Variants in ACTRT3 observed in about 807,000 individuals in gnomAD.
ACTRT3 encodes actin-related protein T3.
Under a neutral mutation model 17.6 loss-of-function variants are expected in ACTRT3, and 15 were observed. That is an observed-to-expected ratio of 0.85 (90% confidence interval 0.57 to 1.31). The LOEUF (loss-of-function observed/expected upper bound fraction) is 1.31, where lower values mean the gene tolerates loss of function less well. Among genes scored for constraint, ACTRT3 ranks in the 50% most tolerant of loss-of-function variants. The probability of loss-of-function intolerance (pLI) is 0.00; values close to 1 mark genes in which losing one functional copy is unlikely to be tolerated. For missense variants in ACTRT3, 457 were observed against 466.7 expected (o/e 0.98, Z 0.19); for synonymous variants, 169 against 176.4 (o/e 0.96, Z 0.33).
At position 169,767,087 on chromosome 3, in the gene ACTRT3, A is replaced by T. The variant is rs1777996647; in HGVS notation, c.*345T>A. ...CTGCTATGGAGTCTCGTTCCTCACC[A>T]CAGCAACCTTCTTTCCCTAAACTTC... On this transcript the variant is annotated 3_prime_UTR_variant, in exon 2 of 2. Coordinates refer to ENST00000330368, the MANE Select transcript of ACTRT3 (RefSeq NM_032487.5). The T allele has an allele frequency of 5.9e-6, 1 of 169,718 alleles. No homozygotes were observed. The highest frequency in any genetic ancestry group is 1.7e-4 in the South Asian group (1 of 5,942). 10.5% of individuals were successfully genotyped at this position (169,718 alleles called of 1,614,324 possible).
chr3:169,767,638 C>T lies in ACTRT3; in HGVS notation c.913G>A (p.Gly305Ser). 6.2e-7 allele frequency: 1 copy of T among 1,613,592 alleles called. No homozygotes were observed. Among genetic ancestry groups the T allele is most frequent in the African/African-American group, 1.3e-5 (1 of 74,974 alleles). ...TCCTTAACTAACCGCTTGTCTAAAC[C>T]AGGGAAAGAGGTTGATCCCCCGGCA... ...ILAGGSTSFP[G>S]LDKRLVKDIA... is the part of the protein sequence containing the mutation. Residue 305 changes from glycine (G) to serine (S), a missense_variant, in exon 2 of 2, where the codon GGT becomes AGT. By Grantham distance (56) the Gly-to-Ser change is moderately conservative. Transcript: ENST00000330368.
At chr3:169,768,703 T>C (rs1370938255) in intron 1 of ACTRT3, among the ~76,000 whole-genome samples, 5 of 152,088 alleles carry the variant, frequency 3.3e-5, no homozygotes, top group African/African-American at 1.2e-4. Context: ...AATTTTTTTG[T>C]ATTTTTAGTA....
chr3:169,767,743 C>T lies in ACTRT3; in HGVS notation c.808G>A (p.Gly270Ser). ...SPCHMNLEAP[G>S]IDKICFSSIM... is the part of the protein sequence containing the mutation. ...CTGCTGAAGCATATCTTATCAATGC[C>T]AGGGGCCTCAAGGTTCATATGACAC... Residue 270 changes from glycine to serine, a missense_variant, in exon 2 of 2, where the codon GGC becomes AGC. Coordinates refer to ENST00000330368, the MANE Select transcript of ACTRT3 (RefSeq NM_032487.5). 1 of 1,614,054 alleles carries T rather than the reference C, an allele frequency of 6.2e-7. No homozygotes were observed. Among genetic ancestry groups the T allele is most frequent in the Non-Finnish European group, 8.5e-7 (1 of 1,180,034 alleles).
chr3:169,767,161 C>T lies in ACTRT3; in HGVS notation c.*271G>A. 1 of 273,836 alleles carries T rather than the reference C, an allele frequency of 3.7e-6. No individual in the cohort carries two copies. Among genetic ancestry groups the T allele is most frequent in the Non-Finnish European group, 6.9e-6 (1 of 145,006 alleles). 17.0% of individuals were successfully genotyped at this position (273,836 alleles called of 1,614,324 possible). On this transcript the variant is annotated 3_prime_UTR_variant, in exon 2 of 2. Transcript: ENST00000330368. The stretch of plus-strand genomic sequence containing the variant: ...ATTTGGCACATAGCATATTGTACCA[C>T]AAATGCTCTCTTCCAAGGGAAATAT...
chr3:169,767,998 T>C lies in ACTRT3; in HGVS notation c.553A>G (p.Thr185Ala). The C allele has an allele frequency of 1.2e-6, 2 of 1,614,156 alleles. No individual in the cohort carries two copies. The highest frequency in any genetic ancestry group is 1.1e-5 in the South Asian group (1 of 91,080). The change falls in exon 2 of 2, where the codon ACC becomes GCC. Residue 185 changes from threonine (T) to alanine (A), a missense_variant. Thr to Ala is a moderately conservative substitution (Grantham distance 58, BLOSUM62 0). Coordinates refer to ENST00000330368, the MANE Select transcript of ACTRT3 (RefSeq NM_032487.5). ...QQLDLAGLDL[T>A]NYLMVLMKNH... is the part of the protein sequence containing the mutation. The stretch of plus-strand genomic sequence containing the variant: ...TTCATTAGCACCATGAGGTAGTTGG[T>C]GAGGTCAAGGCCTGCCAGATCCAGT...
intron 1 of ACTRT3, 39 bp from the exon 2 acceptor site, chr3:169,768,389 T>C (rs1475760872): frequency 6.4e-7 from 1 of 1,552,138 alleles, no homozygotes; most frequent in African/African-American, 1.4e-5. Flanking sequence ...AGCTTTTTAT[T>C]TTTCTAGTTT....
chr3:169,767,854 G>C lies in ACTRT3; in HGVS notation c.697C>G (p.Leu233Val), dbSNP rs763007692. Residue 233 changes from leucine to valine, a missense_variant, in exon 2 of 2, where the codon CTA (leucine) becomes GTA (valine). By Grantham distance (32) the Leu-to-Val change is conservative. Transcript: ENST00000330368. ...TCAGGTAGTTGGTAAACTTTCTCTA[G>C]ACAATCGGGTTTCTTGGCCATTTCC... is the stretch of plus-strand genomic sequence containing the variant. ...EEEMAKKPDCLEKVYQLPDGK... is the reference protein window; with the variant it reads ...EEEMAKKPDCVEKVYQLPDGK... The C allele has an allele frequency of 3.8e-5, 61 of 1,614,066 alleles. No individual in the cohort carries two copies. The highest frequency in any genetic ancestry group is 5.0e-5 in the Admixed American group (3 of 60,004).
chr3:169,767,613 T>A lies in ACTRT3; in HGVS notation c.938A>T (p.Asp313Val), dbSNP rs942426910. 24 of 1,613,794 alleles carry A rather than the reference T, an allele frequency of 1.5e-5. No individual in the cohort carries two copies. The highest frequency in any genetic ancestry group is 2.0e-5 in the Non-Finnish European group (24 of 1,179,980). The change falls in exon 2 of 2, where the codon GAT becomes GTT. Residue 313 changes from aspartate (D) to valine (V), a missense_variant. Coordinates refer to ENST00000330368, the MANE Select transcript of ACTRT3 (RefSeq NM_032487.5). The part of the protein sequence containing the change: ...FPGLDKRLVK[D>V]IAKVAPANTA... ...GTTGGCAGGAGCCACCTTTGCTATA[T>A]CCTTAACTAACCGCTTGTCTAAACC...
In ACTRT3 at chr3:169,767,931, ATCTT is replaced by A. The variant is rs2108185575; in HGVS notation, c.616_619del (p.Lys206LeufsTer14). ...AAAGCTCTCCTTGATGTCTTCAACA[ATCTT>A]TCTGTCTGAAGCACTGAGCAACATG... On this transcript the variant is annotated frameshift_variant, in exon 2 of 2. Transcript: ENST00000330368. LOFTEE classifies it high-confidence loss of function. The A allele has an allele frequency of 6.2e-7, 1 of 1,614,126 alleles. No homozygotes were observed. The highest frequency in any genetic ancestry group is 8.5e-7 in the Non-Finnish European group (1 of 1,180,008).
Position 169,768,148 on chromosome 3 carries a change from T to G in ACTRT3, c.403A>C (p.Ile135Leu), listed in dbSNP as rs372939031. Residue 135 changes from isoleucine (I) to leucine (L), a missense_variant, in exon 2 of 2, where the codon ATC becomes CTC. Ile to Leu is a conservative substitution (Grantham distance 5, BLOSUM62 2). Coordinates refer to ENST00000330368, the MANE Select transcript of ACTRT3 (RefSeq NM_032487.5). The stretch of plus-strand genomic sequence containing the variant: ...GCAAAGAGAGCCAGCACAGCCTGGA[T>G]GGACATATAGAAGGCAGGAACACCC... Reference protein sequence around the residue: ...HLGVPAFYMSIQAVLALFAAG... With the variant: ...HLGVPAFYMSLQAVLALFAAG... The G allele has an allele frequency of 1.9e-6, 3 of 1,614,074 alleles. No homozygotes were observed. Among genetic ancestry groups the G allele is most frequent in the African/African-American group, 1.3e-5 (1 of 75,036 alleles).
chr3:169,767,398 C>CA lies in ACTRT3; in HGVS notation c.*33dup, dbSNP rs777740172. ...TCCAAAGTTTTCTGTCACATATACT[C>CA]AAAACATTTTCTTCCAACCATTTTA... is the stretch of plus-strand genomic sequence containing the variant. On this transcript the variant is annotated 3_prime_UTR_variant, in exon 2 of 2. Coordinates refer to ENST00000330368, the MANE Select transcript of ACTRT3 (RefSeq NM_032487.5). The CA allele has an allele frequency of 6.0e-6, 9 of 1,511,824 alleles. No homozygotes were observed. Among genetic ancestry groups the CA allele is most frequent in the Non-Finnish European group, 8.0e-6 (9 of 1,129,318 alleles). The allele number at this position is 1,511,824 out of a possible 1,614,324, so 93.7% of individuals were successfully genotyped here.
In ACTRT3 at chr3:169,767,374, C is replaced by G; in HGVS notation, c.*58G>C. 1 of 1,444,770 alleles carries G rather than the reference C, an allele frequency of 6.9e-7. No homozygotes were observed. Among genetic ancestry groups the G allele is most frequent in the Non-Finnish European group, 9.3e-7 (1 of 1,077,786 alleles). The allele number at this position is 1,444,770 out of a possible 1,614,324, so 89.5% of individuals were successfully genotyped here. ...CTCTTCTCCCAGAAACATATAATAT[C>G]CAAAGTTTTCTGTCACATATACTCA... On this transcript the variant is annotated 3_prime_UTR_variant, in exon 2 of 2. Transcript: ENST00000330368.
rs1420418334 is a variant in ACTRT3, at chr3:169,769,323, G to GATGAACAGC, written c.189_197dup (p.Phe65_Ile66insMetLeuPhe). The GATGAACAGC allele has an allele frequency of 7.0e-7, 1 of 1,428,500 alleles. No homozygotes were observed. Among genetic ancestry groups the GATGAACAGC allele is most frequent in the Non-Finnish European group, 9.1e-7 (1 of 1,093,420 alleles). 88.5% of individuals were successfully genotyped at this position (1,428,500 alleles called of 1,614,324 possible). On this transcript the variant is annotated inframe_insertion, in exon 1 of 2. Transcript: ENST00000330368. ...AGCCTGCTGGGAGAAGGAGGTACCT[G>GATGAACAGC]ATGAACAGCGAGCTCCTCCAGTCCT...
Position 169,768,387 on chromosome 3 carries a change from A to T in ACTRT3, c.201-37T>A, listed in dbSNP as rs200320591. The T allele has an allele frequency of 7.0e-5, 109 of 1,555,104 alleles. No homozygotes were observed. In the African/African-American group the frequency reaches 1.3e-3, roughly 19 times the overall value. ...GCAATAAGATCAATGACAGCTTTTTATTTTTCTAGTTTCTATTGTCTTCGA... is the reference window on the plus strand; with the variant it reads ...GCAATAAGATCAATGACAGCTTTTTTTTTTTCTAGTTTCTATTGTCTTCGA... On this transcript the variant is annotated intron_variant, in intron 1 of 1. Coordinates refer to ENST00000330368, the MANE Select transcript of ACTRT3 (RefSeq NM_032487.5).
rs768526532 is a variant in ACTRT3, at chr3:169,769,378, C to T, written c.143G>A (p.Gly48Glu). 3.7e-6 allele frequency: 6 copies of T among 1,600,488 alleles called. No homozygotes were observed. Among genetic ancestry groups the T allele is most frequent in the Non-Finnish European group, 5.1e-6 (6 of 1,176,448 alleles). The change falls in exon 1 of 2, where the codon GGG (glycine) becomes GAG (glutamate). Residue 48 changes from glycine (G) to glutamate (E), a missense_variant. Physicochemically the swap from Gly to Glu is moderately conservative, Grantham distance 98. Transcript: ENST00000330368. The stretch of plus-strand genomic sequence containing the variant: ...TTGGTCGCCCACGCAGAGTTCTAGC[C>T]CGCCCTGGGCCGCGCGGCTCTGGCC... ...AKGQSRAAQG[G>E]LELCVGDQAQ...
chr3:169,767,582 A>C lies in ACTRT3; in HGVS notation c.969T>G (p.Ala323=). The C allele has an allele frequency of 6.2e-7, 1 of 1,614,138 alleles. No individual in the cohort carries two copies. The highest frequency in any genetic ancestry group is 8.5e-7 in the Non-Finnish European group (1 of 1,180,020). ...DIAKVAPANT[A]VQVIAPPERK... ...TTTCTGGAGGAGCTATAACTTGCAC[A>C]GCGGTGTTGGCAGGAGCCACCTTTG... The change falls in exon 2 of 2, where the codon GCT becomes GCG. Residue 323 remains alanine, a synonymous_variant. Coordinates refer to ENST00000330368, the MANE Select transcript of ACTRT3 (RefSeq NM_032487.5).
At chr3:169,768,926 T>C (rs1204812062) in intron 1 of ACTRT3, among the ~76,000 whole-genome samples, 9 of 152,190 alleles carry the variant, frequency 5.9e-5, no homozygotes, top group Non-Finnish European at 1.0e-4. Flanking sequence ...ATAGTTTAAA[T>C]GTCAATTGAA....
chr3:169,768,080 C>T lies in ACTRT3; in HGVS notation c.471G>A (p.Gly157=). 1 of 1,614,028 alleles carries T rather than the reference C, an allele frequency of 6.2e-7. No individual in the cohort carries two copies. The highest frequency in any genetic ancestry group is 8.5e-7 in the Non-Finnish European group (1 of 1,180,018). Residue 157 remains glycine (G), a synonymous_variant, in exon 2 of 2, where the codon GGG becomes GGA. Transcript: ENST00000330368. ...CAAAGATGGGCACACTCTGGGTAAC[C>T]CCAGCACCTGAATTCAGCACAAGGC... ...TTGLVLNSGA[G]VTQSVPIFEG...
Position 169,767,442 on chromosome 3 carries a change from C to A in ACTRT3, c.1109G>T (p.Arg370Ile). 1.3e-6 allele frequency: 2 copies of A among 1,566,150 alleles called. No individual in the cohort carries two copies. Among genetic ancestry groups the A allele is most frequent in the Middle Eastern group, 1.7e-4 (1 of 5,846 alleles). The change falls in exon 2 of 2, where the codon AGA becomes ATA. Residue 370 changes from arginine (R) to isoleucine (I), a missense_variant. Coordinates refer to ENST00000330368, the MANE Select transcript of ACTRT3 (RefSeq NM_032487.5). ...KEVGPNIVHQ[R>I]CF is the part of the protein sequence containing the mutation. ...CATTTTATCTGTATTTCAGAAGCAT[C>A]TTTGGTGTACTATGTTGGGTCCAAC...
Sources: allele counts gnomAD v4.1 joint callset (sites outside exome capture counted in the v4.1 genomes callset), GRCh38; gene constraint gnomAD v4.1.1; transcripts MANE v1.5; gene names NCBI Gene and HGNC (gene_info 2026-07-23, HGNC 2026-07-21).